GRID2: variants seen among roughly 807,000 people sequenced by gnomAD.
GRID2 encodes the protein glutamate receptor ionotropic, delta-2.
Under a neutral mutation model 114.8 loss-of-function variants are expected in GRID2, and 33 were observed. That is an observed-to-expected ratio of 0.29 (90% CI 0.22 to 0.38). The LOEUF is 0.38. Among genes scored for constraint, GRID2 ranks in the 10% least tolerant of loss-of-function variants. The probability of loss-of-function intolerance (pLI) is 1.00; values close to 1 mark genes in which losing one functional copy is unlikely to be tolerated. For synonymous variants in GRID2, 505 were observed against 449.9 expected, an observed-to-expected ratio of 1.12 and a Z score of -1.55; for missense variants, 1,184 against 1,257.7, an observed-to-expected ratio of 0.94 and a Z score of 0.89.
intron 1 of GRID2, among the ~76,000 whole-genome samples, chr4:93,787,278 G>C (rs987182728): frequency 6.6e-6 from 1 of 151,962 alleles, no homozygotes; most frequent in Non-Finnish European, 1.5e-5. Flanking sequence ...GACTACCATA[G>C]AGGCATAGAG....
At chr4:93,107,021 T>C (rs1462136107) in intron 3 of GRID2, among the ~76,000 whole-genome samples, 1 of 152,172 alleles carries the variant, frequency 6.6e-6, no homozygotes, top group Non-Finnish European at 1.5e-5. Context: ...TATTTTTTTC[T>C]GGGAGTGGTG....
intron 2 of GRID2, among the ~76,000 whole-genome samples, chr4:93,040,511 A>G (rs978706528): frequency 1.3e-5 from 2 of 152,122 alleles, no homozygotes; most frequent in Admixed American, 1.3e-4. Flanking sequence ...TCCAAACCAC[A>G]ATAATGTAAA....
intron 2 of GRID2, among the ~76,000 whole-genome samples, chr4:92,735,314 C>G (rs1736539255): frequency 2.0e-5 from 3 of 151,930 alleles, no homozygotes; most frequent in Non-Finnish European, 1.5e-5. Context: ...ACATAGAAGC[C>G]TAAGATAAAG....
At chr4:93,381,098 A>G (rs1763811311) in intron 8 of GRID2, among the ~76,000 whole-genome samples, 1 of 152,124 alleles carries the variant, frequency 6.6e-6, no homozygotes, top group African/African-American at 2.4e-5. Flanking sequence ...TACCATCTTA[A>G]ACATTTTAAG....
At chr4:92,406,804 T>C (rs1468665663) in intron 1 of GRID2, among the ~76,000 whole-genome samples, 1 of 151,730 alleles carries the variant, frequency 6.6e-6, no homozygotes, top group African/African-American at 2.4e-5. Flanking sequence ...ACATGTGGTA[T>C]TTGGTTTTCT....
At chr4:93,300,508 C>A (rs934306979) in intron 8 of GRID2, among the ~76,000 whole-genome samples, 1 of 152,142 alleles carries the variant, frequency 6.6e-6, no homozygotes, top group Non-Finnish European at 1.5e-5. Context: ...TGTTGAGGTA[C>A]AGCACTTTTA....
intron 2 of GRID2, among the ~76,000 whole-genome samples, chr4:92,693,333 G>A (rs927688101): frequency 6.6e-6 from 1 of 152,090 alleles, no homozygotes; most frequent in Non-Finnish European, 1.5e-5. Context: ...TCTTAGAACT[G>A]TAGTGATTTC....
intron 1 of GRID2, among the ~76,000 whole-genome samples, chr4:92,446,648 G>A (rs1319219550): frequency 1.3e-5 from 2 of 152,084 alleles, no homozygotes; most frequent in Non-Finnish European, 2.9e-5. Flanking sequence ...TGTTTTTGAG[G>A]TCTCCTTAGT....
At chr4:92,764,405 A>G (rs1044116579) in intron 2 of GRID2, among the ~76,000 whole-genome samples, 1 of 152,296 alleles carries the variant, frequency 6.6e-6, no homozygotes, top group South Asian at 2.1e-4. Context: ...AGGACTTACA[A>G]TTGGGTCTTT....
At chr4:92,399,636 G>GCT (rs749067156) in intron 1 of GRID2, among the ~76,000 whole-genome samples, 3,314 of 141,672 alleles carry the variant, frequency 0.023, 94 homozygotes, top group African/African-American at 0.068. Flanking sequence ...AATAAAAGCA[G>GCT]CTCTCTCTCT....
chr4:92,655,522 C>G (rs755855708), intron 2 of GRID2, among the ~76,000 whole-genome samples: 11 of 151,732 alleles, frequency 7.2e-5, no homozygotes, highest in Non-Finnish European at 1.5e-4. Flanking sequence ...GGTTGTCTTT[C>G]CATTTCTATG....
At chr4:92,831,321 G>GCTC (rs762449803) in intron 2 of GRID2, among the ~76,000 whole-genome samples, 4 of 152,112 alleles carry the variant, frequency 2.6e-5, no homozygotes, top group Non-Finnish European at 5.9e-5. Flanking sequence ...CCAAAGAGCT[G>GCTC]CTCCCCTAAT....
At chr4:92,726,698 G>A (rs1736084899) in intron 2 of GRID2, among the ~76,000 whole-genome samples, 1 of 152,048 alleles carries the variant, frequency 6.6e-6, no homozygotes. Flanking sequence ...GAGTCAGATA[G>A]CCCATCTTTT....
At chr4:92,991,698 A>T (rs1354702165) in intron 2 of GRID2, among the ~76,000 whole-genome samples, 1 of 152,198 alleles carries the variant, frequency 6.6e-6, no homozygotes, top group African/African-American at 2.4e-5. Flanking sequence ...ATCGCTTGCC[A>T]AACGTTGTAG....
chr4:93,129,573 G>T (rs1734606511), intron 4 of GRID2, among the ~76,000 whole-genome samples: 1 of 152,058 alleles, frequency 6.6e-6, no homozygotes, highest in African/African-American at 2.4e-5. Context: ...TCACAATCCA[G>T]GGCCTACTTA....
intron 8 of GRID2, among the ~76,000 whole-genome samples, chr4:93,371,032 C>A (rs978642264): frequency 6.6e-6 from 1 of 152,040 alleles, no homozygotes; most frequent in African/African-American, 2.4e-5. Context: ...TGGAGACACT[C>A]CATTGTAAGA....
In GRID2 at chr4:93,600,421, G is replaced by T. The variant is rs187995372; in HGVS notation, c.2194-25848G>T. Among the ~76,000 whole-genome samples the T allele has an allele frequency of 3.9e-3, 586 of 151,778 alleles. 2 individuals are homozygous for T. The highest frequency in any genetic ancestry group is 0.014 in the African/African-American group (562 of 41,392). On this transcript the variant is annotated intron_variant, in intron 13 of 15. Coordinates refer to ENST00000282020, the MANE Select transcript of GRID2 (RefSeq NM_001510.4). ...AAATAAACAAAAGATTGGAACAGTG[G>T]TTTCATAAAAGAAAATATACAAATT...
At chr4:92,975,321 G>T (rs956873634) in intron 2 of GRID2, among the ~76,000 whole-genome samples, 4 of 151,694 alleles carry the variant, frequency 2.6e-5, no homozygotes, top group Non-Finnish European at 4.4e-5. Flanking sequence ...TCAAAACTCT[G>T]TTATAATGGG....
Position 92,945,073 on chromosome 4 carries a change from G to A in GRID2, c.245-139922G>A, listed in dbSNP as rs540733494. On this transcript the variant is annotated intron_variant, in intron 2 of 15. Coordinates refer to ENST00000282020, the MANE Select transcript of GRID2 (RefSeq NM_001510.4). The stretch of plus-strand genomic sequence containing the variant: ...ACTTGAAAATATTTCTGATAACTAA[G>A]TTTGAAATTAGATTTTAACTGTTCC... Among the ~76,000 whole-genome samples the A allele has an allele frequency of 3.9e-5, 6 of 152,150 alleles. No homozygotes were observed. The South Asian group carries it at 6.2e-4, about 16-fold the overall frequency.
Sources: gnomAD v4.1 joint callset for allele counts (sites outside exome capture counted in the v4.1 genomes callset) on GRCh38, gnomAD v4.1.1 for gene constraint, MANE v1.5 for transcripts, NCBI Gene and HGNC (gene_info 2026-07-23, HGNC 2026-07-21) for gene names.